The following FGGY variants were observed in gnomAD, a reference collection of about 807,000 sequenced individuals.
The protein encoded by FGGY is FGGY carbohydrate kinase domain containing.
Under a neutral mutation model 71.3 loss-of-function variants are expected in FGGY, and 72 were observed. That is an observed-to-expected ratio of 1.01 (90% confidence interval 0.84 to 1.23). The LOEUF is 1.23. Among genes scored for constraint, FGGY ranks in the 50% most tolerant of loss-of-function variants. The pLI, the probability that FGGY is intolerant of heterozygous loss-of-function variation, is 0.00. For synonymous variants in FGGY, 251 were observed against 250.3 expected (o/e 1.00, Z -0.02); for missense variants, 668 against 682.3 (o/e 0.98, Z 0.23).
intron 8 of FGGY, among the ~76,000 whole-genome samples, chr1:59,586,956 G>A (rs1163741599): frequency 6.6e-6 from 1 of 152,186 alleles, no homozygotes; most frequent in Admixed American, 6.5e-5. Context: ...GACAGTGGGT[G>A]CAGCGCACCG....
chr1:59,535,645 G>C (rs897238865), intron 7 of FGGY, among the ~76,000 whole-genome samples: 202 of 151,144 alleles, frequency 1.3e-3, no homozygotes, highest in African/African-American at 4.7e-3. Context: ...TCAGACCACA[G>C]TGCAATCAAA....
chr1:59,403,376 T>C (rs1290216310), intron 5 of FGGY, among the ~76,000 whole-genome samples: 1 of 152,186 alleles, frequency 6.6e-6, no homozygotes, highest in African/African-American at 2.4e-5. Context: ...AGTCCGGCTG[T>C]GTGCCCTGCC....
intron 15 of FGGY, among the ~76,000 whole-genome samples, chr1:59,761,293 A>G (rs1262621221): frequency 6.6e-6 from 1 of 152,196 alleles, no homozygotes; most frequent in African/African-American, 2.4e-5. Flanking sequence ...CTCCTACGTT[A>G]CCAGAATGCT....
intron 1 of FGGY, among the ~76,000 whole-genome samples, chr1:59,315,374 C>T (rs1005897386): frequency 6.6e-6 from 1 of 151,970 alleles, no homozygotes; most frequent in African/African-American, 2.4e-5. Flanking sequence ...CAGTTTCCTC[C>T]TTGCCCATCC....
chr1:59,371,898 C>T (rs140235568), intron 4 of FGGY, among the ~76,000 whole-genome samples: 2,026 of 152,268 alleles, frequency 0.013, 16 homozygotes, highest in Non-Finnish European at 0.02. Context: ...CTCTGGGACA[C>T]GTTCAAAGCA....
At position 59,650,162 on chromosome 1, in the gene FGGY, T is replaced by C. The variant is rs545761252; in HGVS notation, c.1222-10057T>C. On this transcript the variant is annotated intron_variant, in intron 11 of 15. Coordinates refer to ENST00000303721, the MANE Select transcript of FGGY (RefSeq NM_018291.5). ...CTGGATTTGGTTTGCCAGTATTGTATTGAGGATTTTTGCATCGATGTTCAT... is the reference window on the plus strand; with the variant it reads ...CTGGATTTGGTTTGCCAGTATTGTACTGAGGATTTTTGCATCGATGTTCAT... Among the ~76,000 whole-genome samples the C allele has an allele frequency of 6.4e-4, 95 of 148,132 alleles. 11 individuals carry two copies. The highest frequency in any genetic ancestry group is 3.4e-3 in the Middle Eastern group (1 of 292).
chr1:59,652,906 G>T (rs1305464710), intron 11 of FGGY, among the ~76,000 whole-genome samples: 2 of 152,200 alleles, frequency 1.3e-5, no homozygotes, highest in Non-Finnish European at 2.9e-5. Flanking sequence ...GGTCTTTGAT[G>T]ATGGTGGTGT....
intron 2 of FGGY, among the ~76,000 whole-genome samples, chr1:59,325,079 C>T (rs1169994340): frequency 6.6e-6 from 1 of 152,146 alleles, no homozygotes; most frequent in Non-Finnish European, 1.5e-5. Context: ...TTAGGCGGGG[C>T]GTGTTGGCTC....
chr1:59,379,162 AACAC>A (rs55986439), intron 5 of FGGY, among the ~76,000 whole-genome samples: 102 of 143,222 alleles, frequency 7.1e-4, no homozygotes, highest in African/African-American at 2.2e-3. Context: ...GGAAAAAATA[AACAC>A]ACACACACAC....
chr1:59,430,347 T>C (rs542937087), intron 5 of FGGY, among the ~76,000 whole-genome samples: 1 of 152,340 alleles, frequency 6.6e-6, no homozygotes, highest in East Asian at 1.9e-4. Flanking sequence ...TACATTTTGG[T>C]CCAAACCACC....
intron 6 of FGGY, among the ~76,000 whole-genome samples, chr1:59,475,409 G>A (rs1572649099): frequency 6.6e-6 from 1 of 152,318 alleles, no homozygotes; most frequent in East Asian, 1.9e-4. Flanking sequence ...CAATTAACTA[G>A]TTAATTAATA....
chr1:59,493,662 A>G (rs2093948402), intron 6 of FGGY, among the ~76,000 whole-genome samples: 1 of 152,142 alleles, frequency 6.6e-6, no homozygotes, highest in South Asian at 2.1e-4. Flanking sequence ...GTTAGTGTTT[A>G]ATGGATATAG....
intron 14 of FGGY, among the ~76,000 whole-genome samples, chr1:59,675,505 A>T (rs975779812): frequency 2.0e-5 from 3 of 152,182 alleles, no homozygotes; most frequent in African/African-American, 7.2e-5. Context: ...TGACTGTGAA[A>T]TCTCCCTCAC....
intron 8 of FGGY, among the ~76,000 whole-genome samples, chr1:59,596,076 C>T (rs899751729): frequency 4.6e-5 from 7 of 152,176 alleles, no homozygotes; most frequent in Admixed American, 1.3e-4. Context: ...TAAGCCCTCC[C>T]GGATCCACTT....
intron 1 of FGGY, among the ~76,000 whole-genome samples, chr1:59,313,987 A>AATCTC (rs2044893065): frequency 6.6e-6 from 1 of 151,358 alleles, no homozygotes; most frequent in East Asian, 1.9e-4. Flanking sequence ...TTTGAGACAG[A>AATCTC]ATCTCGCTTT....
At chr1:59,320,499 G>T (rs1315393339) in intron 1 of FGGY, among the ~76,000 whole-genome samples, 1 of 152,134 alleles carries the variant, frequency 6.6e-6, no homozygotes, top group East Asian at 1.9e-4. Flanking sequence ...TTCTTTCAAA[G>T]CCAATCTGGA....
At chr1:59,602,737 C>T (rs1228557486) in intron 8 of FGGY, among the ~76,000 whole-genome samples, 1 of 152,168 alleles carries the variant, frequency 6.6e-6, no homozygotes, top group East Asian at 1.9e-4. Flanking sequence ...TCAAGGTGGC[C>T]ATCTCTGTGA....
chr1:59,354,109 G>T (rs2053819710), intron 4 of FGGY, among the ~76,000 whole-genome samples: 2 of 151,198 alleles, frequency 1.3e-5, no homozygotes. Flanking sequence ...AGAGGGTCTT[G>T]CTCTGTCACC....
intron 4 of FGGY, 42 bp downstream of exon 4, chr1:59,346,440 A>G (rs761374776): frequency 6.2e-7 from 1 of 1,602,552 alleles, no homozygotes; most frequent in Non-Finnish European, 8.5e-7. Context: ...ACAATAGTAG[A>G]GGATTCCTGT....
Sources: gnomAD v4.1 joint callset for allele counts (sites outside exome capture counted in the v4.1 genomes callset) on GRCh38, gnomAD v4.1.1 for gene constraint, MANE v1.5 for transcripts, NCBI Gene and HGNC (gene_info 2026-07-23, HGNC 2026-07-21) for gene names.